Variants in MGAT4A observed in about 807,000 individuals in gnomAD.
The protein encoded by MGAT4A is alpha-1,3-mannosyl-glycoprotein 4-beta-N-acetylglucosaminyltransferase A, also known as N-acetylglucosaminyltransferase IVa.
A neutral mutation model predicts 74.1 loss-of-function variants in MGAT4A; 33 were observed. That is an observed-to-expected ratio of 0.45 (90% CI 0.34 to 0.60). The LOEUF (loss-of-function observed/expected upper bound fraction) is 0.60, where lower values mean the gene tolerates loss of function less well. MGAT4A is among the 20% of genes least tolerant of loss of function. The probability of loss-of-function intolerance (pLI) is 0.02; values close to 1 mark genes in which losing one functional copy is unlikely to be tolerated. For missense variants in MGAT4A, 479 were observed against 628.3 expected (o/e 0.76, Z 2.54); for synonymous variants, 198 against 210.4 (o/e 0.94, Z 0.51).
intron 2 of MGAT4A, among the ~76,000 whole-genome samples, chr2:98,685,362 A>C (rs1702114736): frequency 1.3e-5 from 2 of 152,226 alleles, no homozygotes; most frequent in African/African-American, 4.8e-5. Context: ...TAAGATTCCA[A>C]AATTTAATAA....
chr2:98,712,323 T>C (rs1456614178), intron 2 of MGAT4A, among the ~76,000 whole-genome samples: 2 of 152,250 alleles, frequency 1.3e-5, no homozygotes, highest in Non-Finnish European at 2.9e-5. Context: ...ATCATAGCAC[T>C]GTGTTCACAC....
chr2:98,727,610 C>T (rs928626419), intron 1 of MGAT4A, among the ~76,000 whole-genome samples: 1 of 152,120 alleles, frequency 6.6e-6, no homozygotes, highest in African/African-American at 2.4e-5. Context: ...TATACTGACA[C>T]TGTAGTGGGG....
At chr2:98,668,006 C>G (rs1701862018) in intron 4 of MGAT4A, among the ~76,000 whole-genome samples, 1 of 152,158 alleles carries the variant, frequency 6.6e-6, no homozygotes, top group African/African-American at 2.4e-5. Flanking sequence ...GCGTGAGCCA[C>G]AGCGCCCGGC....
chr2:98,669,537 G>C (rs1264311303), intron 4 of MGAT4A, among the ~76,000 whole-genome samples: 1 of 152,158 alleles, frequency 6.6e-6, no homozygotes, highest in Non-Finnish European at 1.5e-5. Flanking sequence ...AGCATGTTTA[G>C]AGAATAAACC....
At chr2:98,680,864 A>C (rs541422416) in intron 2 of MGAT4A, among the ~76,000 whole-genome samples, 1 of 152,344 alleles carries the variant, frequency 6.6e-6, no homozygotes, top group African/African-American at 2.4e-5. Context: ...CTTTTTACTG[A>C]AGTCTATAAT....
rs967113574 is a variant in MGAT4A at position 98,622,004 on chromosome 2, T to C, written c.*3562A>G. The C allele has an allele frequency of 1.0e-6, 1 of 987,554 alleles. No homozygotes were observed. The highest frequency in any genetic ancestry group is 1.2e-6 in the Non-Finnish European group (1 of 831,526). 61.2% of individuals were successfully genotyped at this position (987,554 alleles called of 1,614,324 possible). ...TTTGTGTTAACTTTTTCCAAAGCTT[T>C]TCAATCACACTGTCTGTTCTGACTA... On this transcript the variant is annotated 3_prime_UTR_variant, in exon 16 of 16. Transcript: ENST00000393487.
intron 2 of MGAT4A, among the ~76,000 whole-genome samples, chr2:98,686,529 GT>G (rs919499461): frequency 4.7e-5 from 7 of 149,946 alleles, no homozygotes; most frequent in African/African-American, 7.4e-5. Context: ...TATAACACAG[GT>G]TTTTTTTTGG....
intron 2 of MGAT4A, among the ~76,000 whole-genome samples, chr2:98,713,255 A>G (rs974609294): frequency 1.3e-5 from 2 of 151,746 alleles, no homozygotes; most frequent in Non-Finnish European, 2.9e-5. Context: ...ATAGACATGC[A>G]AAATATACTT....
chr2:98,651,754 T>C (rs1341264460), intron 8 of MGAT4A, among the ~76,000 whole-genome samples: 1 of 152,160 alleles, frequency 6.6e-6, no homozygotes, highest in Non-Finnish European at 1.5e-5. Flanking sequence ...AACATCCCAA[T>C]TAAAAGACAC....
At chr2:98,673,504 A>G (rs573830775) in intron 4 of MGAT4A, among the ~76,000 whole-genome samples, 2 of 152,272 alleles carry the variant, frequency 1.3e-5, no homozygotes, top group South Asian at 2.1e-4. Flanking sequence ...TAACGTAAAT[A>G]TGGGTTATTT....
rs140020041 is a variant in MGAT4A, at chr2:98,691,165, T to C, written c.95-12694A>G. Among the ~76,000 whole-genome samples, 528 of 152,244 alleles carry C rather than the reference T, an allele frequency of 3.5e-3. 2 individuals are homozygous for C. Among genetic ancestry groups the C allele is most frequent in the African/African-American group, 0.012 (493 of 41,556 alleles). ...TATGTCCAGGGGTCTTGTAAGATTA[T>C]AATGGAGGCTGGGCGCAGTGGCTCA... is the stretch of plus-strand genomic sequence containing the variant. On this transcript the variant is annotated intron_variant, in intron 2 of 15. Transcript: ENST00000393487.
chr2:98,710,651 G>T (rs1032569255), intron 2 of MGAT4A, among the ~76,000 whole-genome samples: 2 of 152,104 alleles, frequency 1.3e-5, no homozygotes, highest in Non-Finnish European at 2.9e-5. Flanking sequence ...GTACAGATGG[G>T]GGGCGGGGAG....
intron 2 of MGAT4A, among the ~76,000 whole-genome samples, chr2:98,724,730 C>T (rs1702735580): frequency 6.6e-6 from 1 of 151,440 alleles, no homozygotes; most frequent in African/African-American, 2.4e-5. Flanking sequence ...TCAAATAAGG[C>T]ACAGTGAGAA....
chr2:98,665,678 A>G (rs1290635389), intron 4 of MGAT4A, among the ~76,000 whole-genome samples: 3 of 152,262 alleles, frequency 2.0e-5, no homozygotes, highest in African/African-American at 7.2e-5. Flanking sequence ...GGGGAAAAAG[A>G]TTTAAAATAT....
chr2:98,635,140 G>A (rs1349197636), intron 14 of MGAT4A, 82 bp downstream of exon 14: 8 of 1,024,498 alleles, frequency 7.8e-6, no homozygotes, highest in Non-Finnish European at 1.2e-5. Flanking sequence ...TCCTCAAGTT[G>A]CTTAACATCT....
At chr2:98,670,223 C>T (rs17448085) in intron 4 of MGAT4A, among the ~76,000 whole-genome samples, 35,648 of 151,990 alleles carry the variant, frequency 0.23, 4,936 homozygotes, top group Non-Finnish European at 0.32. Flanking sequence ...CAAACAGAAA[C>T]AGAGCCAACG....
chr2:98,714,173 C>T (rs759220958), intron 2 of MGAT4A, among the ~76,000 whole-genome samples: 1 of 152,136 alleles, frequency 6.6e-6, no homozygotes, highest in Non-Finnish European at 1.5e-5. Context: ...CTGCCACCTT[C>T]GCCTCCCGGG....
intron 14 of MGAT4A, among the ~76,000 whole-genome samples, chr2:98,632,189 G>A (rs1316394025): frequency 6.6e-6 from 1 of 152,182 alleles, no homozygotes; most frequent in Non-Finnish European, 1.5e-5. Flanking sequence ...CCTATGGACA[G>A]CTAAACTAAA....
intron 2 of MGAT4A, among the ~76,000 whole-genome samples, chr2:98,708,612 C>G (rs1045574393): frequency 6.6e-6 from 1 of 152,178 alleles, no homozygotes; most frequent in Non-Finnish European, 1.5e-5. Flanking sequence ...TACCAGCAAC[C>G]AGTAATGTAG....
Sources: allele counts gnomAD v4.1 joint callset (sites outside exome capture counted in the v4.1 genomes callset), GRCh38; gene constraint gnomAD v4.1.1; transcripts MANE v1.5; gene names NCBI Gene and HGNC (gene_info 2026-07-23, HGNC 2026-07-21).